The following OSBPL8 variants were observed in gnomAD, a reference collection of about 807,000 sequenced individuals.
OSBPL8 encodes oxysterol-binding protein-related protein 8.
Under a neutral mutation model 125.5 loss-of-function variants are expected in OSBPL8, and 59 were observed. That is an observed-to-expected ratio of 0.47 (90% CI 0.38 to 0.58). OSBPL8 has a LOEUF of 0.58. Ranked by LOEUF, OSBPL8 falls within the 20% of genes least tolerant of loss-of-function variation. The pLI is 0.00. For synonymous variants in OSBPL8, 330 were observed against 338.9 expected, an observed-to-expected ratio of 0.97 and a Z score of 0.29; for missense variants, 758 against 1,047.8, an observed-to-expected ratio of 0.72 and a Z score of 3.82.
At chr12:76,489,065 A>T (rs1021008814) in intron 1 of OSBPL8, among the ~76,000 whole-genome samples, 1 of 152,190 alleles carries the variant, frequency 6.6e-6, no homozygotes, top group African/African-American at 2.4e-5. Context: ...CAGGCTAATT[A>T]TATAGGCAAG....
intron 1 of OSBPL8, among the ~76,000 whole-genome samples, chr12:76,517,436 TA>T (rs1178208180): frequency 1.3e-5 from 2 of 152,156 alleles, no homozygotes; most frequent in African/African-American, 4.8e-5. Context: ...ATATTAAACA[TA>T]AATGTTTATT....
intron 2 of OSBPL8, among the ~76,000 whole-genome samples, chr12:76,474,224 C>T (rs1404255625): frequency 2.0e-5 from 3 of 151,942 alleles, no homozygotes; most frequent in South Asian, 2.1e-4. Context: ...TTTGATTTAA[C>T]GTCCAACCAA....
chr12:76,555,383 C>T (rs918465539), intron 1 of OSBPL8, among the ~76,000 whole-genome samples: 1 of 152,114 alleles, frequency 6.6e-6, no homozygotes, highest in Non-Finnish European at 1.5e-5. Context: ...TCATTTCTAC[C>T]AGAAAACATT....
chr12:76,445,343 GA>G (rs1872620570), intron 4 of OSBPL8, among the ~76,000 whole-genome samples: 1 of 151,988 alleles, frequency 6.6e-6, no homozygotes, highest in Non-Finnish European at 1.5e-5. Flanking sequence ...TCTTTAATAG[GA>G]AAAAAGTTTG....
chr12:76,530,278 G>A (rs1472005776), intron 1 of OSBPL8, among the ~76,000 whole-genome samples: 2 of 104,498 alleles, frequency 1.9e-5, no homozygotes, highest in Admixed American at 2.6e-4. Context: ...GGCTGGTTTT[G>A]AACTCCTGGC....
At position 76,353,008 on chromosome 12, in the gene OSBPL8, C is replaced by T. The variant is rs1565813927; in HGVS notation, c.*2881G>A. The T allele has an allele frequency of 6.6e-6, 1 of 152,362 alleles. No individual in the cohort carries two copies. Among genetic ancestry groups the T allele is most frequent in the Non-Finnish European group, 1.5e-5 (1 of 67,868 alleles). The allele number at this position is 152,362 out of a possible 1,614,324, so 9.4% of individuals were successfully genotyped here. On this transcript the variant is annotated 3_prime_UTR_variant, in exon 24 of 24. Coordinates refer to ENST00000261183, the MANE Select transcript of OSBPL8 (RefSeq NM_020841.5). Reference sequence around the variant, plus strand: ...ATAGCTATATAAAAAGAAAGTAACACACAGAAATGACCCTTTTATGACAAG... The same window carrying T: ...ATAGCTATATAAAAAGAAAGTAACATACAGAAATGACCCTTTTATGACAAG...
intron 1 of OSBPL8, among the ~76,000 whole-genome samples, chr12:76,541,497 A>AATG (rs1417587456): frequency 6.6e-6 from 1 of 151,740 alleles, no homozygotes; most frequent in Non-Finnish European, 1.5e-5. Flanking sequence ...TAATAATAAT[A>AATG]ATTAAATAAT....
At chr12:76,363,030 G>A (rs147920555) in intron 21 of OSBPL8, among the ~76,000 whole-genome samples, 255 of 152,302 alleles carry the variant, frequency 1.7e-3, no homozygotes, top group African/African-American at 5.8e-3. Flanking sequence ...GGAAATAAGA[G>A]AGGACACAAA....
chr12:76,364,565 G>A (rs1952335740), intron 21 of OSBPL8, among the ~76,000 whole-genome samples: 1 of 152,070 alleles, frequency 6.6e-6, no homozygotes, highest in Non-Finnish European at 1.5e-5. Context: ...CAGGTTGATG[G>A]GTGCAGCAAA....
intron 4 of OSBPL8, among the ~76,000 whole-genome samples, chr12:76,418,545 T>A (rs1413164855): frequency 6.6e-6 from 1 of 152,122 alleles, no homozygotes; most frequent in Non-Finnish European, 1.5e-5. Flanking sequence ...ACAGCACATA[T>A]TCAGGTCAGA....
intron 2 of OSBPL8, among the ~76,000 whole-genome samples, chr12:76,478,796 G>A (rs1409128623): frequency 6.6e-6 from 1 of 152,178 alleles, no homozygotes; most frequent in Admixed American, 6.5e-5. Context: ...TGTAAACAAA[G>A]TGTAACAGGC....
intron 1 of OSBPL8, among the ~76,000 whole-genome samples, chr12:76,536,329 T>C (rs1240888051): frequency 6.6e-6 from 1 of 151,292 alleles, no homozygotes; most frequent in Non-Finnish European, 1.5e-5. Flanking sequence ...TACCAAATAC[T>C]AAATACTAAA....
chr12:76,496,910 T>C (rs575678955), intron 1 of OSBPL8, among the ~76,000 whole-genome samples: 1 of 152,216 alleles, frequency 6.6e-6, no homozygotes, highest in East Asian at 1.9e-4. Context: ...CTTGAACTCC[T>C]GGCCTCAATC....
chr12:76,372,556 TA>T (rs991117404), intron 18 of OSBPL8, among the ~76,000 whole-genome samples: 25 of 151,918 alleles, frequency 1.6e-4, no homozygotes, highest in Non-Finnish European at 2.9e-4. Flanking sequence ...TTAAGGCAAT[TA>T]AAAAAAATTT....
At chr12:76,468,904 AG>A (rs1875782080) in intron 2 of OSBPL8, among the ~76,000 whole-genome samples, 1 of 152,200 alleles carries the variant, frequency 6.6e-6, no homozygotes. Context: ...AAATGTGGCT[AG>A]TAAAACTAAG....
At chr12:76,438,524 G>A (rs931253402) in intron 4 of OSBPL8, among the ~76,000 whole-genome samples, 5 of 152,072 alleles carry the variant, frequency 3.3e-5, no homozygotes, top group Non-Finnish European at 1.5e-5. Context: ...GTATAGAACA[G>A]TTATCAGTTT....
At chr12:76,466,098 G>T (rs916018613) in intron 2 of OSBPL8, among the ~76,000 whole-genome samples, 2 of 151,890 alleles carry the variant, frequency 1.3e-5, no homozygotes, top group Non-Finnish European at 2.9e-5. Context: ...TGTATGATAT[G>T]ACCCTACTTT....
At chr12:76,392,552 T>C (rs915681323) in intron 10 of OSBPL8, 29 bp downstream of exon 10, 1 of 1,582,580 alleles carries the variant, frequency 6.3e-7, no homozygotes, top group Non-Finnish European at 8.6e-7. Flanking sequence ...CTCTGAAACA[T>C]TACCAACTCA....
rs1222770353 is a variant in OSBPL8, at chr12:76,354,774, G to A, written c.*1115C>T. 2.0e-5 allele frequency: 3 copies of A among 151,920 alleles called. No homozygotes were observed. Among genetic ancestry groups the A allele is most frequent in the African/African-American group, 7.2e-5 (3 of 41,420 alleles). 9.4% of individuals were successfully genotyped at this position (151,920 alleles called of 1,614,324 possible). On this transcript the variant is annotated 3_prime_UTR_variant, in exon 24 of 24. Transcript: ENST00000261183. Reference sequence around the variant, plus strand: ...CAGAAAGAAGTTACTAAGAAGAGAGGAGGATAATAAAAAAATTAAACTTCA... The same window carrying A: ...CAGAAAGAAGTTACTAAGAAGAGAGAAGGATAATAAAAAAATTAAACTTCA...
Sources: allele counts gnomAD v4.1 joint callset (sites outside exome capture counted in the v4.1 genomes callset), GRCh38; gene constraint gnomAD v4.1.1; transcripts MANE v1.5; gene names NCBI Gene and HGNC (gene_info 2026-07-23, HGNC 2026-07-21).